Variants in VTI1A observed in about 807,000 individuals in gnomAD.
VTI1A encodes the protein vesicle transport through interaction with t-SNAREs homolog 1A.
In VTI1A, 22 loss-of-function variants were observed where a neutral mutation model predicts 34.9. The observed-to-expected ratio is 0.63, with a 90% CI of 0.45 to 0.90. VTI1A has a LOEUF of 0.90. VTI1A is among the 40% of genes least tolerant of loss of function. The probability of loss-of-function intolerance (pLI) is 0.00; values close to 1 mark genes in which losing one functional copy is unlikely to be tolerated. For missense variants in VTI1A, 268 were observed against 275.6 expected (o/e 0.97, Z 0.20); for synonymous variants, 87 against 97.3 (o/e 0.89, Z 0.62).
At chr10:112,743,967 C>T (rs1210653356) in intron 7 of VTI1A, among the ~76,000 whole-genome samples, 1 of 152,192 alleles carries the variant, frequency 6.6e-6, no homozygotes, top group Non-Finnish European at 1.5e-5. Context: ...AAGAAATCCA[C>T]ATCAAATACT....
At chr10:112,506,946 T>C (rs946304944) in intron 3 of VTI1A, among the ~76,000 whole-genome samples, 2 of 150,838 alleles carry the variant, frequency 1.3e-5, no homozygotes, top group African/African-American at 4.8e-5. Flanking sequence ...TTTTGGTTTT[T>C]ATGGGTGTTT....
At chr10:112,790,287 A>G (rs1852417334) in intron 7 of VTI1A, among the ~76,000 whole-genome samples, 2 of 152,192 alleles carry the variant, frequency 1.3e-5, no homozygotes, top group Non-Finnish European at 2.9e-5. Context: ...TGCAGAGCAC[A>G]TTCAAAGTTC....
At chr10:112,476,830 C>T (rs1468211280) in intron 3 of VTI1A, among the ~76,000 whole-genome samples, 4 of 152,134 alleles carry the variant, frequency 2.6e-5, no homozygotes, top group Non-Finnish European at 4.4e-5. Context: ...TGCTTTCATA[C>T]CATTCTTATT....
At chr10:112,638,940 G>A (rs1016734983) in intron 5 of VTI1A, among the ~76,000 whole-genome samples, 3 of 151,534 alleles carry the variant, frequency 2.0e-5, no homozygotes, top group Admixed American at 2.0e-4. Flanking sequence ...TGAAGCAAAA[G>A]TATCAGCATT....
At chr10:112,838,275 G>A in the VTI1A span, among the ~76,000 whole-genome samples, 2 of 152,190 alleles carry the variant, frequency 1.3e-5, no homozygotes, top group Admixed American at 1.3e-4. Context: ...CAGACCTCGG[G>A]TCCTCCTGGG....
At chr10:112,688,984 G>A (rs1424571742) in intron 7 of VTI1A, among the ~76,000 whole-genome samples, 1 of 152,112 alleles carries the variant, frequency 6.6e-6, no homozygotes. Flanking sequence ...TAAAAGGGCT[G>A]CCTCTAGCAT....
At chr10:112,668,860 A>G in intron 6 of VTI1A, 77 bp from the exon 7 acceptor site, 1 of 1,443,026 alleles carries the variant, frequency 6.9e-7, no homozygotes. Flanking sequence ...CTATCATGAA[A>G]TAAATTGTCG....
intron 5 of VTI1A, among the ~76,000 whole-genome samples, chr10:112,655,762 T>C (rs1287492963): frequency 6.6e-6 from 1 of 152,168 alleles, no homozygotes; most frequent in Non-Finnish European, 1.5e-5. Flanking sequence ...GACTACAGAA[T>C]GTTGAAGAAT....
intron 3 of VTI1A, among the ~76,000 whole-genome samples, chr10:112,469,369 A>G (rs964752262): frequency 1.4e-4 from 21 of 152,124 alleles, no homozygotes; most frequent in Non-Finnish European, 5.9e-5. Flanking sequence ...ACATCTGTTC[A>G]TGTACTATGG....
At position 112,527,152 on chromosome 10, in the gene VTI1A, C is replaced by T; in HGVS notation, c.330C>T (p.Ser110=). The T allele has an allele frequency of 6.2e-7, 1 of 1,613,400 alleles. No homozygotes were observed. Among genetic ancestry groups the T allele is most frequent in the South Asian group, 1.1e-5 (1 of 90,972 alleles). Residue 110 remains serine (S), a synonymous_variant, in exon 4 of 8, where the codon TCC becomes TCT. Transcript: ENST00000393077. ...RNELLGDDGN[S]SENQRAHLLD... ...AGCTCCTGGGGGATGATGGGAATTC[C>T]TCAGAGAACCAGGTAGAATGCTAAT...
chr10:112,810,963 A>AC (rs1564934586), intron 7 of VTI1A, among the ~76,000 whole-genome samples: 1 of 151,692 alleles, frequency 6.6e-6, no homozygotes, highest in African/African-American at 2.4e-5. Flanking sequence ...AGAAAAAAAA[A>AC]ATCTTATCAG....
intron 4 of VTI1A, among the ~76,000 whole-genome samples, chr10:112,532,241 T>G (rs1172176275): frequency 6.6e-6 from 1 of 152,220 alleles, no homozygotes; most frequent in East Asian, 1.9e-4. Flanking sequence ...CGGGCTATAG[T>G]AAACATGATA....
At chr10:112,515,279 A>G (rs1849738038) in intron 3 of VTI1A, among the ~76,000 whole-genome samples, 1 of 152,190 alleles carries the variant, frequency 6.6e-6, no homozygotes, top group Non-Finnish European at 1.5e-5. Flanking sequence ...TAGAAAGGGA[A>G]CAGGATTCAA....
At position 112,763,787 on chromosome 10, in the gene VTI1A, T is replaced by C. The variant is rs572137045; in HGVS notation, c.561-51503T>C. Reference sequence around the variant, plus strand: ...TTATTAAAATGCACATCGAGGTCATTGAGTTTCTGCCTTTGACCTCTAGCC... The same window carrying C: ...TTATTAAAATGCACATCGAGGTCATCGAGTTTCTGCCTTTGACCTCTAGCC... On this transcript the variant is annotated intron_variant, in intron 7 of 7. Coordinates refer to ENST00000393077, the MANE Select transcript of VTI1A (RefSeq NM_145206.4). Among the ~76,000 whole-genome samples the C allele has an allele frequency of 1.3e-3, 203 of 152,244 alleles. 1 individual carries two copies. The highest frequency in any genetic ancestry group is 4.5e-3 in the African/African-American group (188 of 41,520).
chr10:112,463,222 G>C (rs533857430), intron 2 of VTI1A, among the ~76,000 whole-genome samples: 1 of 152,256 alleles, frequency 6.6e-6, no homozygotes, highest in South Asian at 2.1e-4. Flanking sequence ...ACTGCGCCTG[G>C]CCTGGTTTTT....
At chr10:112,826,960 C>T in the VTI1A span, 3 of 152,182 alleles carry the variant, frequency 2.0e-5, no homozygotes, top group Admixed American at 2.0e-4. Flanking sequence ...CAAATAGAGT[C>T]TAAATATAAG....
At chr10:112,587,540 G>A (rs535225386) in intron 5 of VTI1A, among the ~76,000 whole-genome samples, 1 of 152,168 alleles carries the variant, frequency 6.6e-6, no homozygotes, top group Admixed American at 6.5e-5. Context: ...AGACCAAATG[G>A]CTATGTTAAA....
intron 5 of VTI1A, among the ~76,000 whole-genome samples, chr10:112,579,060 G>GA (rs759298265): frequency 2.6e-5 from 4 of 152,190 alleles, no homozygotes; most frequent in Non-Finnish European, 2.9e-5. Context: ...CTGGTACATG[G>GA]AAACTTACAG....
At chr10:112,644,964 T>C (rs1472368169) in intron 5 of VTI1A, among the ~76,000 whole-genome samples, 1 of 152,222 alleles carries the variant, frequency 6.6e-6, no homozygotes, top group African/African-American at 2.4e-5. Context: ...GGAATGTGTT[T>C]GTAAGTTGAA....
Sources: gnomAD v4.1 joint callset for allele counts (sites outside exome capture counted in the v4.1 genomes callset) on GRCh38, gnomAD v4.1.1 for gene constraint, MANE v1.5 for transcripts, NCBI Gene and HGNC (gene_info 2026-07-23, HGNC 2026-07-21) for gene names.